Variants in PARP8 observed in about 807,000 individuals in gnomAD.
PARP8 encodes poly(ADP-ribose) polymerase family member 8.
PARP8 carries 51 observed loss-of-function variants against 124.1 expected under a neutral mutation model. The observed-to-expected ratio is 0.41, with a 90% CI of 0.33 to 0.52. The LOEUF is 0.52. PARP8 is among the 20% of genes least tolerant of loss of function. PARP8 has a pLI of 0.21. For missense variants in PARP8, 860 were observed against 1,018.9 expected, an observed-to-expected ratio of 0.84 and a Z score of 2.12; for synonymous variants, 391 against 361.5, an observed-to-expected ratio of 1.08 and a Z score of -0.93.
At chr5:50,756,638 T>A (rs1759991267) in intron 3 of PARP8, among the ~76,000 whole-genome samples, 1 of 152,104 alleles carries the variant, frequency 6.6e-6, no homozygotes, top group South Asian at 2.1e-4. Context: ...AAATATTTAA[T>A]TGTCAAATAA....
intron 15 of PARP8, 86 bp downstream of exon 15, chr5:50,815,610 T>A: frequency 1.1e-6 from 1 of 927,472 alleles, no homozygotes; most frequent in Non-Finnish European, 1.5e-6. Flanking sequence ...TGCTATTCTT[T>A]GGGGAAAATA....
Position 50,834,932 on chromosome 5 carries a change from G to T in PARP8, c.2379G>T (p.Val793=). The T allele has an allele frequency of 6.2e-7, 1 of 1,612,162 alleles. No individual in the cohort carries two copies. The highest frequency in any genetic ancestry group is 1.1e-5 in the South Asian group (1 of 91,004). The part of the protein sequence containing the change: ...RNLKCIALCE[V]ITSSDLHKHG... ...TTAATTTTATTTTCCACTTAACAGT[G>T]ATCACCTCATCTGACCTGCACAAAC... is the stretch of plus-strand genomic sequence containing the variant. The change falls in exon 25 of 26, where the codon GTG becomes GTT. Residue 793 remains valine (V), a splice_region_variant and synonymous_variant. Transcript: ENST00000281631.
chr5:50,788,575 A>T lies in PARP8; in HGVS notation c.723A>T (p.Gly241=), dbSNP rs775147997. The change falls in exon 10 of 26, where the codon GGA becomes GGT. Residue 241 remains glycine (G), a synonymous_variant. Transcript: ENST00000281631. ...QISTKERFGL[G]HQLKKIMQTF... ...CCACAAAAGAGCGATTTGGATTGGG[A>T]CATCAGCTGAAAAAGTAAGTTTGCT... The T allele has an allele frequency of 2.5e-6, 4 of 1,612,708 alleles. No individual in the cohort carries two copies. The East Asian group carries it at 8.9e-5, about 36-fold the overall frequency.
At chr5:50,773,924 A>G (rs1761890936) in intron 7 of PARP8, among the ~76,000 whole-genome samples, 1 of 151,180 alleles carries the variant, frequency 6.6e-6, no homozygotes, top group East Asian at 2.0e-4. Flanking sequence ...TAATGGAGAG[A>G]AGGTCAGCAG....
intron 2 of PARP8, among the ~76,000 whole-genome samples, chr5:50,686,968 C>T (rs1751935743): frequency 1.3e-5 from 2 of 152,184 alleles, no homozygotes; most frequent in African/African-American, 4.8e-5. Context: ...GCCCTGGAGA[C>T]ATTTTCCCCA....
intron 25 of PARP8, among the ~76,000 whole-genome samples, chr5:50,838,772 C>T (rs1453868512): frequency 2.6e-5 from 4 of 151,320 alleles, no homozygotes; most frequent in Non-Finnish European, 5.9e-5. Context: ...CAAGCTGTTT[C>T]TTTAAAACAA....
At chr5:50,743,491 C>G (rs1221838549) in intron 2 of PARP8, among the ~76,000 whole-genome samples, 1 of 152,054 alleles carries the variant, frequency 6.6e-6, no homozygotes, top group Admixed American at 6.5e-5. Context: ...AGTGGGACAG[C>G]ATCTCTTTCA....
At chr5:50,776,989 T>A (rs1265612259) in intron 7 of PARP8, among the ~76,000 whole-genome samples, 1 of 152,310 alleles carries the variant, frequency 6.6e-6, no homozygotes, top group Non-Finnish European at 1.5e-5. Context: ...ATCTGCAAAA[T>A]GAATGTCGTA....
intron 2 of PARP8, among the ~76,000 whole-genome samples, chr5:50,677,777 C>T (rs1750804433): frequency 1.3e-5 from 2 of 151,988 alleles, no homozygotes; most frequent in Middle Eastern, 3.4e-3. Flanking sequence ...TTTAGTATGG[C>T]GATAGTTTTC....
rs1270820746 is a variant in PARP8 at position 50,667,779 on chromosome 5, G to C, written c.92-292G>C. ...GTCCATTTTGCTCCCCCGGGATTTT[G>C]CTTTCGCTACCGCGAGCCCGGCTGA... On this transcript the variant is annotated intron_variant, in intron 1 of 25. Transcript: ENST00000281631. 3 of 821,342 alleles carry C rather than the reference G, an allele frequency of 3.7e-6. No individual in the cohort carries two copies. The African/African-American group carries it at 5.1e-5, about 14-fold the overall frequency. 50.9% of individuals were successfully genotyped at this position (821,342 alleles called of 1,614,324 possible).
chr5:50,667,881 C>A (rs1402022460), intron 1 of PARP8, 190 bp from the exon 2 acceptor site: 16 of 1,490,680 alleles, frequency 1.1e-5, no homozygotes, highest in East Asian at 2.5e-5. Flanking sequence ...GGGGCGGCCT[C>A]CCGCTGCACC....
chr5:50,788,325 A>G (rs1411635869), intron 9 of PARP8, among the ~76,000 whole-genome samples, 198 bp from the exon 10 acceptor site: 3 of 147,690 alleles, frequency 2.0e-5, no homozygotes, highest in African/African-American at 7.3e-5. Context: ...TATAATATAT[A>G]TTATACATTA....
At chr5:50,781,318 T>C (rs1740645348) in intron 9 of PARP8, among the ~76,000 whole-genome samples, 1 of 152,200 alleles carries the variant, frequency 6.6e-6, no homozygotes, top group African/African-American at 2.4e-5. Flanking sequence ...TTGAATTTTG[T>C]TGTGAATATC....
intron 2 of PARP8, among the ~76,000 whole-genome samples, chr5:50,681,248 T>C (rs762990396): frequency 1.3e-5 from 2 of 152,170 alleles, no homozygotes; most frequent in Non-Finnish European, 2.9e-5. Context: ...TTTCATAAGA[T>C]ACAATTAAGC....
chr5:50,747,104 C>G (rs1758621815), intron 2 of PARP8, among the ~76,000 whole-genome samples: 2 of 148,252 alleles, frequency 1.3e-5, no homozygotes, highest in East Asian at 3.9e-4. Context: ...GTTTACTAAT[C>G]ATACTTCTTT....
chr5:50,707,939 G>A (rs1212116621), intron 2 of PARP8, among the ~76,000 whole-genome samples: 1 of 151,946 alleles, frequency 6.6e-6, no homozygotes, highest in African/African-American at 2.4e-5. Flanking sequence ...CTTACCACAC[G>A]ATCTCGCACC....
chr5:50,792,644 T>C (rs1377816138), intron 10 of PARP8, among the ~76,000 whole-genome samples: 1 of 152,034 alleles, frequency 6.6e-6, no homozygotes, highest in East Asian at 1.9e-4. Flanking sequence ...GAAATGATGA[T>C]CTTATTATTA....
chr5:50,744,418 G>T (rs1758339874), intron 2 of PARP8, among the ~76,000 whole-genome samples: 1 of 152,178 alleles, frequency 6.6e-6, no homozygotes, highest in Non-Finnish European at 1.5e-5. Context: ...AGGTAGATAT[G>T]GAGCAACTGA....
chr5:50,829,523 G>A (rs929314028), intron 21 of PARP8, among the ~76,000 whole-genome samples: 3 of 152,124 alleles, frequency 2.0e-5, no homozygotes, highest in African/African-American at 7.2e-5. Context: ...ATGAAAATCT[G>A]AGCAGGACGC....
Sources: gnomAD v4.1 joint callset for allele counts (sites outside exome capture counted in the v4.1 genomes callset) on GRCh38, gnomAD v4.1.1 for gene constraint, MANE v1.5 for transcripts, NCBI Gene and HGNC (gene_info 2026-07-23, HGNC 2026-07-21) for gene names.